Variants in GALNTL6 observed in about 807,000 individuals in gnomAD.
GALNTL6 encodes polypeptide N-acetylgalactosaminyltransferase-like 6.
A neutral mutation model predicts 73.7 loss-of-function variants in GALNTL6; 46 were observed. That is an observed-to-expected ratio of 0.62 (90% CI 0.49 to 0.80). The LOEUF (loss-of-function observed/expected upper bound fraction) is 0.80, where lower values mean the gene tolerates loss of function less well. GALNTL6 is among the 30% of genes least tolerant of loss of function. GALNTL6 has a pLI of 0.00. For synonymous variants in GALNTL6, 259 were observed against 263.7 expected (o/e 0.98, Z 0.17); for missense variants, 604 against 755.0 (o/e 0.80, Z 2.34).
At chr4:172,094,946 T>C (rs1732308279) in intron 2 of GALNTL6, among the ~76,000 whole-genome samples, 1 of 151,922 alleles carries the variant, frequency 6.6e-6, no homozygotes, top group Admixed American at 6.6e-5. Flanking sequence ...CCATAGTTTT[T>C]TGTTTTTTGT....
chr4:172,262,786 T>G (rs1738303274), intron 3 of GALNTL6, among the ~76,000 whole-genome samples: 1 of 151,652 alleles, frequency 6.6e-6, no homozygotes, highest in Admixed American at 6.6e-5. Flanking sequence ...TTAGAGCTCC[T>G]TTTAGCATTT....
intron 5 of GALNTL6, among the ~76,000 whole-genome samples, chr4:172,414,502 G>T (rs1363808060): frequency 5.9e-5 from 9 of 152,032 alleles, no homozygotes; most frequent in Admixed American, 5.9e-4. Flanking sequence ...TAGAATGAAG[G>T]ATAATTTGAT....
At chr4:173,019,778 G>A (rs182944251) in intron 11 of GALNTL6, among the ~76,000 whole-genome samples, 6 of 152,292 alleles carry the variant, frequency 3.9e-5, no homozygotes, top group African/African-American at 7.2e-5. Context: ...TCACATGCTC[G>A]TTTAGGTCAT....
At chr4:172,355,232 TTTAA>T (rs1742108479) in intron 5 of GALNTL6, among the ~76,000 whole-genome samples, 1 of 152,058 alleles carries the variant, frequency 6.6e-6, no homozygotes. Context: ...TTATTTTCAG[TTTAA>T]TTATTTTAGG....
At chr4:172,717,567 C>T (rs1025387488) in intron 5 of GALNTL6, among the ~76,000 whole-genome samples, 1 of 152,294 alleles carries the variant, frequency 6.6e-6, no homozygotes, top group African/African-American at 2.4e-5. Context: ...GGTTGATATA[C>T]ATTGGAAAAT....
chr4:172,548,016 C>T (rs1735834436), intron 5 of GALNTL6, among the ~76,000 whole-genome samples: 1 of 152,230 alleles, frequency 6.6e-6, no homozygotes, highest in South Asian at 2.1e-4. Flanking sequence ...TGTATGTCTG[C>T]TCTGGAGACA....
At chr4:172,683,567 C>T (rs887130071) in intron 5 of GALNTL6, among the ~76,000 whole-genome samples, 2 of 152,238 alleles carry the variant, frequency 1.3e-5, no homozygotes, top group Non-Finnish European at 1.5e-5. Context: ...AAAGTAATCT[C>T]ATAGATTTAC....
At chr4:172,449,273 T>G (rs187366041) in intron 5 of GALNTL6, among the ~76,000 whole-genome samples, 146 of 152,324 alleles carry the variant, frequency 9.6e-4, no homozygotes, top group African/African-American at 3.2e-3. Flanking sequence ...GTACTAAACA[T>G]GTCTTAGACC....
chr4:172,339,257 C>CCCCA (rs1741462538), intron 4 of GALNTL6, among the ~76,000 whole-genome samples: 3 of 120,952 alleles, frequency 2.5e-5, no homozygotes, highest in Non-Finnish European at 5.1e-5. Context: ...CACACACACA[C>CCCCA]CACACACACA....
At chr4:172,730,240 G>C (rs1047042428) in intron 5 of GALNTL6, among the ~76,000 whole-genome samples, 4 of 151,982 alleles carry the variant, frequency 2.6e-5, no homozygotes, top group Admixed American at 6.6e-5. Flanking sequence ...TTTCCCAATT[G>C]TTCTGGCCAG....
intron 5 of GALNTL6, among the ~76,000 whole-genome samples, chr4:172,631,802 G>A (rs2111097153): frequency 6.6e-6 from 1 of 152,294 alleles, no homozygotes; most frequent in Non-Finnish European, 1.5e-5. Flanking sequence ...ATTTAAGAAA[G>A]AAGTACATCT....
At chr4:172,295,505 T>C (rs1739636975) in intron 3 of GALNTL6, among the ~76,000 whole-genome samples, 1 of 149,352 alleles carries the variant, frequency 6.7e-6, no homozygotes, top group Non-Finnish European at 1.5e-5. Context: ...ATGGTTGCAC[T>C]GTTTTTTCTT....
At chr4:172,318,432 A>G (rs1740639993) in intron 4 of GALNTL6, among the ~76,000 whole-genome samples, 1 of 152,122 alleles carries the variant, frequency 6.6e-6, no homozygotes, top group African/African-American at 2.4e-5. Context: ...GCTGGGTGCC[A>G]TGGCTCATGC....
intron 3 of GALNTL6, among the ~76,000 whole-genome samples, chr4:172,310,698 C>A (rs1740321870): frequency 6.6e-6 from 1 of 151,792 alleles, no homozygotes; most frequent in African/African-American, 2.4e-5. Flanking sequence ...AAAATAAAAA[C>A]AGAATGGTAG....
chr4:171,896,123 C>A (rs1905931), intron 2 of GALNTL6, among the ~76,000 whole-genome samples: 80,506 of 152,030 alleles, frequency 0.53, 21,834 homozygotes, highest in Middle Eastern at 0.67. Context: ...ATATTTAAAA[C>A]GTAATGGTTG....
At chr4:172,739,183 A>G (rs1736655186) in intron 5 of GALNTL6, among the ~76,000 whole-genome samples, 1 of 152,140 alleles carries the variant, frequency 6.6e-6, no homozygotes. Context: ...GGGCCTTAGA[A>G]TTTTATTTTT....
intron 4 of GALNTL6, 30 bp downstream of exon 4, chr4:172,311,782 G>T: frequency 1.4e-6 from 2 of 1,463,314 alleles, no homozygotes; most frequent in East Asian, 2.5e-5. Flanking sequence ...TGATCAGGGT[G>T]GGTTTTTTTG....
At chr4:172,685,067 A>T (rs1161897225) in intron 5 of GALNTL6, among the ~76,000 whole-genome samples, 1 of 152,218 alleles carries the variant, frequency 6.6e-6, no homozygotes, top group African/African-American at 2.4e-5. Context: ...CATATTAAGC[A>T]TTCTATTACT....
intron 5 of GALNTL6, among the ~76,000 whole-genome samples, chr4:172,482,141 C>T (rs1014920328): frequency 6.6e-5 from 10 of 152,162 alleles, no homozygotes; most frequent in African/African-American, 1.2e-4. Flanking sequence ...TGCCCAGGGC[C>T]GGTGGCGCCG....
Sources: gnomAD v4.1 joint callset for allele counts (sites outside exome capture counted in the v4.1 genomes callset) on GRCh38, gnomAD v4.1.1 for gene constraint, MANE v1.5 for transcripts, NCBI Gene and HGNC (gene_info 2026-07-23, HGNC 2026-07-21) for gene names.